The following MARCHF7 variants were observed in gnomAD, a reference collection of about 807,000 sequenced individuals.
MARCHF7 encodes the protein membrane associated ring-CH-type finger 7, also known as E3 ubiquitin-protein ligase MARCHF7.
MARCHF7 carries 20 observed loss-of-function variants against 76.5 expected under a neutral mutation model. The ratio of observed to expected loss-of-function variants is 0.26; its 90% CI spans 0.18 to 0.38. MARCHF7 has a LOEUF of 0.38. Ranked by LOEUF, MARCHF7 falls within the 10% of genes least tolerant of loss-of-function variation. The pLI, the probability that MARCHF7 is intolerant of heterozygous loss-of-function variation, is 1.00. For missense variants in MARCHF7, 797 were observed against 812.9 expected (o/e 0.98, Z 0.24); for synonymous variants, 295 against 293.0 (o/e 1.01, Z -0.07).
intron 8 of MARCHF7, among the ~76,000 whole-genome samples, chr2:159,755,409 G>A (rs911036486): frequency 6.6e-6 from 1 of 152,140 alleles, no homozygotes; most frequent in African/African-American, 2.4e-5. Flanking sequence ...TGGCAAAGAA[G>A]GGTAGAGAGC....
In MARCHF7 at chr2:159,743,131, GA is replaced by G; in HGVS notation, c.225del (p.Ala76HisfsTer36). The G allele has an allele frequency of 6.2e-7, 1 of 1,614,206 alleles. No individual in the cohort carries two copies. Among genetic ancestry groups the G allele is most frequent in the Non-Finnish European group, 8.5e-7 (1 of 1,180,042 alleles). ...AWYSESEITQ[G>X]ARSRSQNQQR... ...TATAGTGAATCTGAGATAACTCAGGGAGCACGCTCAAGATCGCAGAACCAGC... is the reference window on the plus strand; with the variant it reads ...TATAGTGAATCTGAGATAACTCAGGGGCACGCTCAAGATCGCAGAACCAGC... On this transcript the variant is annotated frameshift_variant, in exon 5 of 12. Coordinates refer to ENST00000409175, the MANE Select transcript of MARCHF7 (RefSeq NM_001282805.2). LOFTEE classifies it high-confidence loss of function.
intron 3 of MARCHF7, among the ~76,000 whole-genome samples, chr2:159,727,230 G>T (rs1036326153): frequency 6.6e-6 from 1 of 152,206 alleles, no homozygotes; most frequent in Admixed American, 6.5e-5. Context: ...GACAAATATT[G>T]TATGATTCCA....
intron 3 of MARCHF7, among the ~76,000 whole-genome samples, chr2:159,717,293 G>A (rs915371042): frequency 6.6e-6 from 1 of 152,068 alleles, no homozygotes; most frequent in Non-Finnish European, 1.5e-5. Context: ...TACTAGGATG[G>A]GGGACATTTG....
chr2:159,736,465 C>G (rs1015447282), intron 4 of MARCHF7, among the ~76,000 whole-genome samples: 2 of 152,116 alleles, frequency 1.3e-5, no homozygotes, highest in Admixed American at 1.3e-4. Context: ...TTAAAGTACA[C>G]TTGTCTTGTT....
intron 4 of MARCHF7, among the ~76,000 whole-genome samples, chr2:159,738,104 G>A (rs1703685010): frequency 6.6e-6 from 1 of 152,208 alleles, no homozygotes; most frequent in Non-Finnish European, 1.5e-5. Context: ...TCCGGCCACC[G>A]TTTACAGCCA....
intron 2 of MARCHF7, among the ~76,000 whole-genome samples, chr2:159,715,048 G>A (rs1700878021): frequency 6.6e-6 from 1 of 152,166 alleles, no homozygotes; most frequent in African/African-American, 2.4e-5. Context: ...AGATAATTAA[G>A]TGCCAGTAAT....
At chr2:159,749,265 A>G (rs1239069303) in intron 7 of MARCHF7, among the ~76,000 whole-genome samples, 1 of 152,100 alleles carries the variant, frequency 6.6e-6, no homozygotes, top group Non-Finnish European at 1.5e-5. Context: ...GGCATGAGCC[A>G]CTGTGCCCAG....
At chr2:159,719,850 G>A (rs1015350172) in intron 3 of MARCHF7, among the ~76,000 whole-genome samples, 2 of 152,138 alleles carry the variant, frequency 1.3e-5, no homozygotes, top group Admixed American at 1.3e-4. Context: ...TTTATGCATT[G>A]ATATGGGCAT....
intron 5 of MARCHF7, among the ~76,000 whole-genome samples, chr2:159,744,931 T>G (rs527521509): frequency 6.6e-6 from 1 of 152,314 alleles, no homozygotes; most frequent in East Asian, 1.9e-4. Context: ...TCTAATAAAA[T>G]TACGATAACT....
Position 159,748,432 on chromosome 2 carries a change from A to G in MARCHF7, c.1142A>G (p.Asn381Ser), listed in dbSNP as rs1177159989. The stretch of plus-strand genomic sequence containing the variant: ...TTTAACCAAGAATCTGAAGGTAGAA[A>G]TACAGGACCATGGTTATCTTCCTCA... ...ENFNQESEGR[N>S]TGPWLSSSLR... Residue 381 changes from asparagine (N) to serine (S), a missense_variant, in exon 7 of 12, where the codon AAT (asparagine) becomes AGT (serine). Transcript: ENST00000409175. The G allele has an allele frequency of 6.2e-6, 10 of 1,614,056 alleles. No individual in the cohort carries two copies. The highest frequency in any genetic ancestry group is 8.5e-6 in the Non-Finnish European group (10 of 1,180,050).
At chr2:159,759,741 C>A (rs903517145) in intron 9 of MARCHF7, among the ~76,000 whole-genome samples, 1 of 151,896 alleles carries the variant, frequency 6.6e-6, no homozygotes. Flanking sequence ...GTGTGGTTAG[C>A]ATATTTGTTT....
At chr2:159,766,958 G>A (rs1234265368) in intron 11 of MARCHF7, among the ~76,000 whole-genome samples, 1 of 152,016 alleles carries the variant, frequency 6.6e-6, no homozygotes, top group East Asian at 1.9e-4. Context: ...TTTTCCTAGT[G>A]TTTATATATC....
At chr2:159,718,897 A>G (rs1286874015) in intron 3 of MARCHF7, among the ~76,000 whole-genome samples, 1 of 152,180 alleles carries the variant, frequency 6.6e-6, no homozygotes, top group East Asian at 1.9e-4. Context: ...TAAATAAATC[A>G]GTGTATGTAA....
At chr2:159,728,587 T>C (rs1702430676) in intron 3 of MARCHF7, among the ~76,000 whole-genome samples, 1 of 152,180 alleles carries the variant, frequency 6.6e-6, no homozygotes, top group Non-Finnish European at 1.5e-5. Flanking sequence ...GTATAGACTT[T>C]CCAGGCACAT....
At chr2:159,714,464 G>GATTT (rs747104450) in intron 1 of MARCHF7, 93 bp from the exon 2 acceptor site, 1 of 152,074 alleles carries the variant, frequency 6.6e-6, no homozygotes, top group Admixed American at 6.5e-5. Flanking sequence ...AATTTTACAG[G>GATTT]ATTTATTTAT....
intron 6 of MARCHF7, among the ~76,000 whole-genome samples, chr2:159,746,947 A>G (rs1314876548): frequency 6.6e-6 from 1 of 152,228 alleles, no homozygotes; most frequent in East Asian, 1.9e-4. Flanking sequence ...GACAGTATCA[A>G]TAGCTTTTAG....
At chr2:159,719,861 ATTC>A (rs1701437672) in intron 3 of MARCHF7, among the ~76,000 whole-genome samples, 2 of 152,214 alleles carry the variant, frequency 1.3e-5, no homozygotes, top group African/African-American at 4.8e-5. Flanking sequence ...ATATGGGCAT[ATTC>A]TTCTGTCGGG....
In MARCHF7 at chr2:159,769,221, T is replaced by C. The variant is rs974219081; in HGVS notation, c.*1879T>C. On this transcript the variant is annotated 3_prime_UTR_variant, in exon 12 of 12. Coordinates refer to ENST00000409175, the MANE Select transcript of MARCHF7 (RefSeq NM_001282805.2). ...AAAGAATTATATTGTTATTACTAGC[T>C]AGAACCAAGATGTTGAAGAAAGCAG... 6.6e-6 allele frequency: 1 copy of C among 152,226 alleles called. No individual in the cohort carries two copies. Among genetic ancestry groups the C allele is most frequent in the African/African-American group, 2.4e-5 (1 of 41,458 alleles). 9.4% of individuals were successfully genotyped at this position (152,226 alleles called of 1,614,324 possible). A position where few individuals can be genotyped will look rare whatever the true frequency, so the allele number is the denominator to read the frequency against.
intron 4 of MARCHF7, among the ~76,000 whole-genome samples, chr2:159,736,219 A>G (rs902250906): frequency 1.3e-5 from 2 of 152,188 alleles, no homozygotes; most frequent in Admixed American, 6.5e-5. Context: ...TGGCTAGATC[A>G]TTTTACATTC....
Sources: gnomAD v4.1 joint callset for allele counts (sites outside exome capture counted in the v4.1 genomes callset) on GRCh38, gnomAD v4.1.1 for gene constraint, MANE v1.5 for transcripts, NCBI Gene and HGNC (gene_info 2026-07-23, HGNC 2026-07-21) for gene names.